ARMH1: variants seen among roughly 807,000 people sequenced by gnomAD.
ARMH1 encodes armadillo-like helical domain containing protein 1.
ARMH1 carries 34 observed loss-of-function variants against 50.2 expected under a neutral mutation model. That is an observed-to-expected ratio of 0.68 (90% CI 0.51 to 0.90). The LOEUF (loss-of-function observed/expected upper bound fraction) is 0.90. Ranked by LOEUF, ARMH1 falls within the 40% of genes least tolerant of loss-of-function variation. The pLI is 0.00. For synonymous variants in ARMH1, 221 were observed against 224.2 expected, an observed-to-expected ratio of 0.99 and a Z score of 0.13; for missense variants, 538 against 553.9, an observed-to-expected ratio of 0.97 and a Z score of 0.29.
chr1:44,719,715 T>C (rs981504614), intron 6 of ARMH1, among the ~76,000 whole-genome samples: 1 of 152,226 alleles, frequency 6.6e-6, no homozygotes, highest in African/African-American at 2.4e-5. Context: ...TTCTGTGTGC[T>C]CTGTAAATCC....
chr1:44,686,094 C>T (rs1645463656), intron 1 of ARMH1, among the ~76,000 whole-genome samples: 1 of 152,104 alleles, frequency 6.6e-6, no homozygotes, highest in Admixed American at 6.6e-5. Flanking sequence ...AGAGGAAATC[C>T]CAGGACAACA....
chr1:44,696,969 T>A, intron 2 of ARMH1, 133 bp from the exon 3 acceptor site: 1 of 647,308 alleles, frequency 1.5e-6, no homozygotes, highest in Non-Finnish European at 2.8e-6. Flanking sequence ...CGCTGGTAGC[T>A]CCTCTCAGGG....
intron 6 of ARMH1, among the ~76,000 whole-genome samples, chr1:44,715,859 A>G (rs1353438685): frequency 2.0e-5 from 3 of 152,180 alleles, no homozygotes; most frequent in African/African-American, 7.2e-5. Flanking sequence ...CACTGCACCC[A>G]GCCACATCTG....
intron 6 of ARMH1, among the ~76,000 whole-genome samples, chr1:44,721,484 T>C (rs1249822641): frequency 6.6e-6 from 1 of 151,946 alleles, no homozygotes; most frequent in Non-Finnish European, 1.5e-5. Context: ...AATTATTAGA[T>C]ACAGACTGTC....
rs2148809025 is a variant in ARMH1 at position 44,724,591 on chromosome 1, G to A, written c.973G>A (p.Val325Met). The change falls in exon 9 of 12, where the codon GTG (valine) becomes ATG (methionine). Residue 325 changes from valine to methionine, a missense_variant. Val to Met is a conservative substitution (Grantham distance 21, BLOSUM62 1). Transcript: ENST00000535358. The surrounding 1 kb of genome is among the most constrained non-coding windows in gnomAD (Gnocchi z 6.4). The part of the protein sequence containing the change: ...SIAEELLYLR[V>M]VRGLMAAMGN... ...CGCCGAGGAGCTGCTGTACCTGCGC[G>A]TGGTGCGTGGCCTAATGGCCGCCAT... is the stretch of plus-strand genomic sequence containing the variant. 6.6e-7 allele frequency: 1 copy of A among 1,518,570 alleles called. No homozygotes were observed. The highest frequency in any genetic ancestry group is 8.8e-7 in the Non-Finnish European group (1 of 1,135,884). The allele number at this position is 1,518,570 out of a possible 1,614,324, so 94.1% of individuals were successfully genotyped here. A position where few individuals can be genotyped will look rare whatever the true frequency, so the allele number is the denominator to read the frequency against.
intron 6 of ARMH1, among the ~76,000 whole-genome samples, chr1:44,711,307 A>C (rs1646603067): frequency 6.6e-6 from 1 of 152,238 alleles, no homozygotes; most frequent in Non-Finnish European, 1.5e-5. Context: ...TTACATTCCC[A>C]GTAGCAGCAA....
chr1:44,716,653 C>T lies in ARMH1; in HGVS notation c.725-7469C>T, dbSNP rs565052922. 6.4e-4 allele frequency among the ~76,000 whole-genome samples: 97 copies of T among 152,252 alleles called. 2 individuals carry two copies. The South Asian group carries it at 0.019, about 30-fold the overall frequency. On this transcript the variant is annotated intron_variant, in intron 6 of 11. Transcript: ENST00000535358. ...ATTCTAACTCTTCAATATGCAGATGCGTTCCCTCTTCCCCATTCTGTCTCC... is the reference window on the plus strand; with the variant it reads ...ATTCTAACTCTTCAATATGCAGATGTGTTCCCTCTTCCCCATTCTGTCTCC...
intron 6 of ARMH1, among the ~76,000 whole-genome samples, chr1:44,704,431 G>C (rs1374376480): frequency 6.6e-6 from 1 of 152,080 alleles, no homozygotes; most frequent in African/African-American, 2.4e-5. Context: ...ATGCTTCCTG[G>C]CTAAACAGAA....
At chr1:44,702,596 C>T (rs1573386002) in intron 5 of ARMH1, among the ~76,000 whole-genome samples, 1 of 151,134 alleles carries the variant, frequency 6.6e-6, no homozygotes. Flanking sequence ...CCTGTAATCC[C>T]AGCTACTCGG....
intron 6 of ARMH1, among the ~76,000 whole-genome samples, chr1:44,716,912 G>A (rs1163325172): frequency 6.7e-6 from 1 of 150,098 alleles, no homozygotes; most frequent in African/African-American, 2.5e-5. Context: ...GTGCAGTGGC[G>A]CGATCTCGGC....
chr1:44,704,077 C>CT lies in ARMH1; in HGVS notation c.640-11dup. On this transcript the variant is annotated splice_polypyrimidine_tract_variant and intron_variant, in intron 5 of 11. Coordinates refer to ENST00000535358, the MANE Select transcript of ARMH1 (RefSeq NM_001145636.2). The stretch of plus-strand genomic sequence containing the variant: ...AAGACTAACCACCTTGTCCTGTTGT[C>CT]TGTCTGGTCAGCCAATCATTGGGAC... 9 of 1,544,908 alleles carry CT rather than the reference C, an allele frequency of 5.8e-6. No homozygotes were observed. Among genetic ancestry groups the CT allele is most frequent in the Non-Finnish European group, 7.0e-6 (8 of 1,141,620 alleles).
chr1:44,684,077 ATGT>A lies in ARMH1; in HGVS notation c.-22-5598_-22-5596del, dbSNP rs1339710898. ...ATAGCTCTTAATCAACACTCAAAAA[ATGT>A]CAGTTTCTTCTCCCTGCCTTCATTC... On this transcript the variant is annotated intron_variant, in intron 1 of 11. Transcript: ENST00000535358. Among the ~76,000 whole-genome samples the A allele has an allele frequency of 8.6e-4, 131 of 152,280 alleles. 1 individual carries two copies. Among genetic ancestry groups the A allele is most frequent in the Admixed American group, 1.7e-3 (26 of 15,296 alleles).
intron 5 of ARMH1, among the ~76,000 whole-genome samples, chr1:44,703,138 G>A (rs10890312): frequency 0.42 from 64,140 of 151,882 alleles, 14,122 homozygotes; most frequent in East Asian, 0.76. Flanking sequence ...AGAGGAAAAA[G>A]GGGGCTGTCT....
chr1:44,711,580 GT>G (rs1315753165), intron 6 of ARMH1, among the ~76,000 whole-genome samples: 1 of 152,080 alleles, frequency 6.6e-6, no homozygotes, highest in African/African-American at 2.4e-5. Context: ...CAAATATATG[GT>G]TTCTCCCATT....
In ARMH1 at chr1:44,724,931, C is replaced by T; in HGVS notation, c.1128+92C>T. The T allele has an allele frequency of 7.3e-6, 11 of 1,503,108 alleles. No individual in the cohort carries two copies. The South Asian group carries it at 1.4e-4, about 19-fold the overall frequency. 93.1% of individuals were successfully genotyped at this position (1,503,108 alleles called of 1,614,324 possible). On this transcript the variant is annotated intron_variant, in intron 10 of 11. Coordinates refer to ENST00000535358, the MANE Select transcript of ARMH1 (RefSeq NM_001145636.2). This position sits in a 1 kb window ranked among gnomAD's most constrained non-coding sequence, Gnocchi z 6.4. ...AGACAGTCCCCATCCTGGAGCGCGC[C>T]ACATGCAGAGTGGACCTGGCCACCA...
chr1:44,716,132 C>A (rs1166674158), intron 6 of ARMH1, among the ~76,000 whole-genome samples: 1 of 149,374 alleles, frequency 6.7e-6, no homozygotes, highest in African/African-American at 2.4e-5. Context: ...CTCTACCAGT[C>A]TCCTAGGTGT....
rs1007179467 is a variant in ARMH1 at position 44,683,434 on chromosome 1, C to G, written c.-22-6242C>G. The stretch of plus-strand genomic sequence containing the variant: ...TGAAGTGATGGGGTGAATGAGGTCA[C>G]CCAGGGATTACAAAGCATGAGAAGA... On this transcript the variant is annotated intron_variant, in intron 1 of 11. Coordinates refer to ENST00000535358, the MANE Select transcript of ARMH1 (RefSeq NM_001145636.2). The surrounding 1 kb of genome is among the most constrained non-coding windows in gnomAD (Gnocchi z 4.2). 2.6e-5 allele frequency among the ~76,000 whole-genome samples: 4 copies of G among 152,120 alleles called. No homozygotes were observed. Among genetic ancestry groups the G allele is most frequent in the Admixed American group, 1.3e-4 (2 of 15,270 alleles).
intron 4 of ARMH1, 109 bp from the exon 5 acceptor site, chr1:44,700,814 G>A: frequency 1.0e-6 from 1 of 999,384 alleles, no homozygotes; most frequent in Non-Finnish European, 1.4e-6. Context: ...TGCTTTGGTT[G>A]AACAGGCTTG....
At position 44,724,390 on chromosome 1, in the gene ARMH1, C is replaced by T. The variant is rs1192306757; in HGVS notation, c.918C>T (p.Ile306=). The T allele has an allele frequency of 6.5e-7, 1 of 1,549,730 alleles. No individual in the cohort carries two copies. The highest frequency in any genetic ancestry group is 2.4e-5 in the East Asian group (1 of 40,912). ...FLQQAAAAKA[I]GVLARNDMSI... is the part of the protein sequence containing the mutation. ...AGCAGGCCGCGGCCGCCAAGGCCATCGGGTAAGCGGGCAGGGGTTAGTGGG... is the reference window on the plus strand; with the variant it reads ...AGCAGGCCGCGGCCGCCAAGGCCATTGGGTAAGCGGGCAGGGGTTAGTGGG... The change falls in exon 8 of 12, where the codon ATC becomes ATT. Residue 306 remains isoleucine (I), a splice_region_variant and synonymous_variant. Transcript: ENST00000535358. The surrounding 1 kb of genome is among the most constrained non-coding windows in gnomAD (Gnocchi z 6.4).
Sources: gnomAD v4.1 joint callset for allele counts (sites outside exome capture counted in the v4.1 genomes callset) on GRCh38, gnomAD v4.1.1 for gene constraint, Gnocchi (gnomAD v3.1) non-coding constraint, MANE v1.5 for transcripts, NCBI Gene and HGNC (gene_info 2026-07-23, HGNC 2026-07-21) for gene names.